ABL1: variants seen among roughly 807,000 people sequenced by gnomAD.
The protein encoded by ABL1 is ABL proto-oncogene 1, non-receptor tyrosine kinase.
ABL1 carries 11 observed loss-of-function variants against 94.7 expected under a neutral mutation model. The ratio of observed to expected loss-of-function variants is 0.12; its 90% CI spans 0.07 to 0.19. The LOEUF (loss-of-function observed/expected upper bound fraction) is 0.19, where lower values mean the gene tolerates loss of function less well. Among genes scored for constraint, ABL1 ranks in the 10% least tolerant of loss-of-function variants. The probability of loss-of-function intolerance (pLI) is 1.00; values close to 1 mark genes in which losing one functional copy is unlikely to be tolerated. For synonymous variants in ABL1, 656 were observed against 622.4 expected (o/e 1.05, Z -0.80); for missense variants, 1,082 against 1,489.4 (o/e 0.73, Z 4.50).
intron 1 of ABL1, among the ~76,000 whole-genome samples, chr9:130,736,595 A>G (rs919387323): frequency 6.6e-6 from 1 of 151,926 alleles, no homozygotes; most frequent in Non-Finnish European, 1.5e-5. Flanking sequence ...AGGTTCAAGC[A>G]ATTCTTCTGC....
At chr9:130,769,698 T>A (rs566302463) in intron 1 of ABL1, among the ~76,000 whole-genome samples, 16 of 152,220 alleles carry the variant, frequency 1.1e-4, no homozygotes, top group African/African-American at 3.9e-4. Context: ...GAGGTATAAT[T>A]TACATATCAT....
At chr9:130,871,585 A>G (rs1400286006) in intron 4 of ABL1, among the ~76,000 whole-genome samples, 4 of 152,262 alleles carry the variant, frequency 2.6e-5, no homozygotes, top group Non-Finnish European at 4.4e-5. Flanking sequence ...ACCACGTGCC[A>G]GAATAGTTCA....
chr9:130,827,899 T>TAATAAATA (rs200452899), intron 1 of ABL1, among the ~76,000 whole-genome samples: 25,657 of 131,260 alleles, frequency 0.2, 2,677 homozygotes, highest in Non-Finnish European at 0.21. Context: ...GTCTCAAAAA[T>TAATAAATA]AATAAATAAA....
At chr9:130,778,844 C>G (rs981613021) in intron 1 of ABL1, among the ~76,000 whole-genome samples, 5 of 151,914 alleles carry the variant, frequency 3.3e-5, no homozygotes, top group African/African-American at 1.2e-4. Context: ...CATTTCAATT[C>G]CTGTGATATT....
intron 4 of ABL1, among the ~76,000 whole-genome samples, chr9:130,865,895 C>T (rs1179911444): frequency 6.6e-6 from 1 of 152,080 alleles, no homozygotes; most frequent in Non-Finnish European, 1.5e-5. Flanking sequence ...ATCCTCACAA[C>T]CTTAAGATCC....
Position 130,884,823 on chromosome 9 carries a change from C to T in ABL1, c.2533C>T (p.Pro845Ser). 1 of 1,604,796 alleles carries T rather than the reference C, an allele frequency of 6.2e-7. No individual in the cohort carries two copies. The highest frequency in any genetic ancestry group is 1.1e-5 in the South Asian group (1 of 90,538). The part of the protein sequence containing the change: ...EAGKGSALGT[P>S]AAAEPVTPTS... ...TGGAAAGGGCAGTGCCTTAGGGACCCCTGCTGCAGCTGAGCCAGTGACCCC... is the reference window on the plus strand; with the variant it reads ...TGGAAAGGGCAGTGCCTTAGGGACCTCTGCTGCAGCTGAGCCAGTGACCCC... Residue 845 changes from proline (P) to serine (S), a missense_variant, in exon 11 of 11, where the codon CCT becomes TCT. Pro to Ser is a moderately conservative substitution (Grantham distance 74). Transcript: ENST00000318560. This position sits in a 1 kb window ranked among gnomAD's most constrained non-coding sequence, Gnocchi z 5.6.
At chr9:130,870,924 C>T (rs1831241330) in intron 4 of ABL1, among the ~76,000 whole-genome samples, 3 of 152,194 alleles carry the variant, frequency 2.0e-5, no homozygotes, top group African/African-American at 4.8e-5. Context: ...CTCTGGAAGC[C>T]TCCCCCACAG....
At chr9:130,772,103 A>AT (rs2132768503) in intron 1 of ABL1, among the ~76,000 whole-genome samples, 1 of 152,322 alleles carries the variant, frequency 6.6e-6, no homozygotes, top group African/African-American at 2.4e-5. Context: ...CTTAGGGAGA[A>AT]TAATGTTAAC....
chr9:130,797,661 G>A (rs1018667826), intron 1 of ABL1, among the ~76,000 whole-genome samples: 1 of 152,134 alleles, frequency 6.6e-6, no homozygotes, highest in Non-Finnish European at 1.5e-5. Flanking sequence ...AAGTCACCAC[G>A]CCTGGCTTCC....
chr9:130,787,171 G>A (rs1345089049), intron 1 of ABL1, among the ~76,000 whole-genome samples: 2 of 152,170 alleles, frequency 1.3e-5, no homozygotes, highest in African/African-American at 2.4e-5. Context: ...TTGCCCCAGT[G>A]GGGAACTGCT....
At chr9:130,832,347 T>A (rs1564303453), upstream of ABL1, among the ~76,000 whole-genome samples, 1 of 151,376 alleles carries the variant, frequency 6.6e-6, no homozygotes, top group Non-Finnish European at 1.5e-5. Context: ...AAAAAAATCT[T>A]AAATAGCTCT....
intron 1 of ABL1, among the ~76,000 whole-genome samples, chr9:130,747,336 C>A (rs1276616624): frequency 6.6e-6 from 1 of 152,026 alleles, no homozygotes; most frequent in African/African-American, 2.4e-5. Context: ...CAAGATTGCA[C>A]CACTGTGCTC....
chr9:130,843,343 G>A (rs1830707415), intron 1 of ABL1, among the ~76,000 whole-genome samples: 1 of 152,208 alleles, frequency 6.6e-6, no homozygotes, highest in Non-Finnish European at 1.5e-5. Context: ...AGTGTCAGGT[G>A]CCACAGTTGG....
At chr9:130,860,997 G>A (rs192995748) in intron 3 of ABL1, among the ~76,000 whole-genome samples, 15 of 152,266 alleles carry the variant, frequency 9.9e-5, no homozygotes, top group Admixed American at 2.6e-4. Context: ...TCCGCTCCCC[G>A]ACACATTCCT....
intron 7 of ABL1, among the ~76,000 whole-genome samples, chr9:130,876,411 CTT>C (rs60634610): frequency 5.6e-5 from 8 of 142,432 alleles, no homozygotes; most frequent in African/African-American, 5.2e-5. Context: ...ATTACTTTTT[CTT>C]TTTTTTTTTT....
intron 4 of ABL1, among the ~76,000 whole-genome samples, chr9:130,871,138 G>A (rs903862031): frequency 3.3e-5 from 5 of 152,188 alleles, no homozygotes; most frequent in Non-Finnish European, 7.3e-5. Context: ...GAGGCATCTC[G>A]CTTCCTCCTT....
At chr9:130,870,498 C>G (rs1386145609) in intron 4 of ABL1, among the ~76,000 whole-genome samples, 1 of 152,150 alleles carries the variant, frequency 6.6e-6, no homozygotes, top group Non-Finnish European at 1.5e-5. Context: ...TCTTAAAGCC[C>G]CAGTCCTATA....
At chr9:130,793,107 G>A (rs1829930238) in intron 1 of ABL1, among the ~76,000 whole-genome samples, 1 of 152,062 alleles carries the variant, frequency 6.6e-6, no homozygotes, top group Non-Finnish European at 1.5e-5. Context: ...TGTATTTTTA[G>A]TAGAGACGGG....
chr9:130,731,884 T>A (rs529423821), intron 1 of ABL1, among the ~76,000 whole-genome samples: 1 of 150,606 alleles, frequency 6.6e-6, no homozygotes, highest in Non-Finnish European at 1.5e-5. Flanking sequence ...AGAATTCTTA[T>A]TGATGAAAGA....
Sources: allele counts gnomAD v4.1 joint callset (sites outside exome capture counted in the v4.1 genomes callset), GRCh38; gene constraint gnomAD v4.1.1; non-coding constraint Gnocchi (gnomAD v3.1); transcripts MANE v1.5; gene names NCBI Gene and HGNC (gene_info 2026-07-23, HGNC 2026-07-21).